MICOS10: variants seen among roughly 807,000 people sequenced by gnomAD.
MICOS10 encodes the protein mitochondrial contact site and cristae organizing system subunit 10.
A neutral mutation model predicts 13.4 loss-of-function variants in MICOS10; 5 were observed. The observed-to-expected ratio is 0.37, with a 90% confidence interval of 0.20 to 0.78. The LOEUF is 0.78. Ranked by LOEUF, MICOS10 falls within the 30% of genes least tolerant of loss-of-function variation. The pLI, the probability that MICOS10 is intolerant of heterozygous loss-of-function variation, is 0.47. For synonymous variants in MICOS10, 35 were observed against 33.6 expected, an observed-to-expected ratio of 1.04 and a Z score of -0.15; for missense variants, 101 against 94.6, an observed-to-expected ratio of 1.07 and a Z score of -0.28.
intron 3 of MICOS10, chr1:19,625,493 A>G (rs1369699193): frequency 7.8e-7 from 1 of 1,289,424 alleles, no homozygotes; most frequent in East Asian, 5.5e-5. Flanking sequence ...AGGTCATCAC[A>G]GGGACCATGC....
intron 1 of MICOS10, among the ~76,000 whole-genome samples, chr1:19,597,327 G>T (rs576146826): frequency 6.6e-6 from 1 of 152,330 alleles, no homozygotes; most frequent in South Asian, 2.1e-4. Context: ...GGTGCGGGGT[G>T]GAGTTGCAGC....
chr1:19,617,366 A>T (rs1409030157), intron 1 of MICOS10: 1 of 910,806 alleles, frequency 1.1e-6, no homozygotes, highest in East Asian at 1.2e-4. Flanking sequence ...CCACCTTCTT[A>T]GTATGTTTCC....
chr1:19,610,103 C>T (rs1403305205), intron 1 of MICOS10, among the ~76,000 whole-genome samples: 1 of 152,130 alleles, frequency 6.6e-6, no homozygotes, highest in Non-Finnish European at 1.5e-5. Flanking sequence ...GATCGCTCCA[C>T]TGCACTCCAG....
chr1:19,597,560 G>T (rs936305310), intron 1 of MICOS10, among the ~76,000 whole-genome samples: 1 of 152,224 alleles, frequency 6.6e-6, no homozygotes, highest in Non-Finnish European at 1.5e-5. Context: ...CATAGACACC[G>T]CCAGGCCCTG....
At chr1:19,622,584 A>G (rs1395364248) in intron 2 of MICOS10, among the ~76,000 whole-genome samples, 2 of 152,238 alleles carry the variant, frequency 1.3e-5, no homozygotes, top group African/African-American at 4.8e-5. Flanking sequence ...GGCAGGCAAT[A>G]TTCTTTTCAT....
At chr1:19,618,311 GT>G (rs1159075077) in intron 1 of MICOS10, among the ~76,000 whole-genome samples, 3 of 151,318 alleles carry the variant, frequency 2.0e-5, no homozygotes, top group Admixed American at 2.0e-4. Context: ...ATTTTGTTTT[GT>G]TTTTGTTTTT....
chr1:19,614,066 A>G (rs1037387683), intron 1 of MICOS10, among the ~76,000 whole-genome samples: 26 of 152,152 alleles, frequency 1.7e-4, no homozygotes, highest in African/African-American at 5.1e-4. Context: ...ATCAAGTTAA[A>G]TTATATTTTA....
chr1:19,617,281 C>T (rs1304886626), intron 1 of MICOS10: 23 of 985,168 alleles, frequency 2.3e-5, no homozygotes, highest in Non-Finnish European at 2.7e-5. Flanking sequence ...GATGTCCACC[C>T]GAGAAATCCC....
chr1:19,625,706 A>G (rs2094919612), intron 3 of MICOS10: 5 of 1,191,018 alleles, frequency 4.2e-6, no homozygotes, highest in Admixed American at 3.3e-5. Flanking sequence ...GATTATATGC[A>G]TATTATGTAT....
chr1:19,617,976 G>T (rs2094890469), intron 1 of MICOS10, among the ~76,000 whole-genome samples: 1 of 151,878 alleles, frequency 6.6e-6, no homozygotes, highest in Admixed American at 6.6e-5. Flanking sequence ...AACAATTACT[G>T]ATGTCAATGA....
At chr1:19,623,313 G>A (rs2094910884) in intron 2 of MICOS10, among the ~76,000 whole-genome samples, 161 bp from the exon 3 acceptor site, 1 of 151,846 alleles carries the variant, frequency 6.6e-6, no homozygotes, top group South Asian at 2.1e-4. Context: ...TCTTTTTTGG[G>A]GCCATTGTGA....
chr1:19,626,390 C>G lies in MICOS10; in HGVS notation c.226C>G (p.Gln76Glu), dbSNP rs2100341266. Residue 76 changes from glutamine (Q) to glutamate (E), a missense_variant, in exon 4 of 4, where the codon CAG becomes GAG. Physicochemically the swap from Gln to Glu is conservative, Grantham distance 29. Coordinates refer to ENST00000322753, the MANE Select transcript of MICOS10 (RefSeq NM_001032363.4). ...YLLHGKYVKE[Q>E]EQ ...GCTGAATGTCCTTGCTTTACAGGAG[C>G]AGGAGCAGTGACTTCACCTGAGAAC... The G allele has an allele frequency of 1.2e-6, 2 of 1,613,930 alleles. No individual in the cohort carries two copies. The highest frequency in any genetic ancestry group is 1.3e-5 in the African/African-American group (1 of 75,042).
At chr1:19,602,647 G>C (rs1008997627) in intron 1 of MICOS10, among the ~76,000 whole-genome samples, 8 of 152,152 alleles carry the variant, frequency 5.3e-5, no homozygotes, top group African/African-American at 1.9e-4. Flanking sequence ...AATGGGTTTT[G>C]CTTATTTTAT....
intron 1 of MICOS10, among the ~76,000 whole-genome samples, chr1:19,618,849 T>C (rs189512748): frequency 0.01 from 1,549 of 152,364 alleles, 11 homozygotes; most frequent in Non-Finnish European, 0.016. Flanking sequence ...GAACTGCCAG[T>C]TGAATATGGT....
intron 3 of MICOS10, 78 bp from the exon 4 acceptor site, chr1:19,626,309 C>G (rs2094921884): frequency 3.1e-6 from 5 of 1,589,118 alleles, no homozygotes; most frequent in Non-Finnish European, 4.3e-6. Context: ...CCCTTTGGGT[C>G]TGACCTGATA....
intron 2 of MICOS10, 33 bp downstream of exon 2, chr1:19,622,180 CAT>C: frequency 6.4e-7 from 1 of 1,558,280 alleles, no homozygotes; most frequent in Admixed American, 1.7e-5. Context: ...AACATAATGT[CAT>C]AGTGTATACA....
chr1:19,612,482 G>A (rs1197069754), intron 1 of MICOS10, among the ~76,000 whole-genome samples: 1 of 151,876 alleles, frequency 6.6e-6, no homozygotes, highest in Non-Finnish European at 1.5e-5. Context: ...CAGCACTTTG[G>A]GAGGCTGAGG....
chr1:19,621,168 T>A (rs970590499), intron 1 of MICOS10, among the ~76,000 whole-genome samples: 1 of 152,094 alleles, frequency 6.6e-6, no homozygotes, highest in Non-Finnish European at 1.5e-5. Flanking sequence ...AACAGCAGAG[T>A]CTTGCCAAGG....
chr1:19,620,347 C>G lies in MICOS10; in HGVS notation c.65-1753C>G, dbSNP rs533522226. Among the ~76,000 whole-genome samples, 3 of 152,336 alleles carry G rather than the reference C, an allele frequency of 2.0e-5. No individual in the cohort carries two copies. In the East Asian group the frequency reaches 5.8e-4, roughly 29 times the overall value. On this transcript the variant is annotated intron_variant, in intron 1 of 3. Coordinates refer to ENST00000322753, the MANE Select transcript of MICOS10 (RefSeq NM_001032363.4). ...TGTTGCCTTTTAAAAGAGAATTGTG[C>G]ATGTGAGAACTTGAATCTGTAAAAC...
Sources: allele counts gnomAD v4.1 joint callset (sites outside exome capture counted in the v4.1 genomes callset), GRCh38; gene constraint gnomAD v4.1.1; transcripts MANE v1.5; gene names NCBI Gene and HGNC (gene_info 2026-07-23, HGNC 2026-07-21).